The following CLEC2L variants were observed in gnomAD, a reference collection of about 807,000 sequenced individuals.
CLEC2L encodes C-type lectin domain family 2 member L.
CLEC2L carries 14 observed loss-of-function variants against 23.6 expected under a neutral mutation model. The observed-to-expected ratio is 0.59, with a 90% CI of 0.39 to 0.93. The LOEUF (loss-of-function observed/expected upper bound fraction) is 0.93. Among genes scored for constraint, CLEC2L ranks in the 40% least tolerant of loss-of-function variants. The probability of loss-of-function intolerance (pLI) is 0.00; values close to 1 mark genes in which losing one functional copy is unlikely to be tolerated. For missense variants in CLEC2L, 264 were observed against 282.4 expected, an observed-to-expected ratio of 0.93 and a Z score of 0.47; for synonymous variants, 114 against 121.3, an observed-to-expected ratio of 0.94 and a Z score of 0.40.
chr7:139,527,959 T>C (rs1251158609), intron 1 of CLEC2L, among the ~76,000 whole-genome samples: 2 of 152,152 alleles, frequency 1.3e-5, no homozygotes, highest in Admixed American at 1.3e-4. Context: ...TTTTGGGATA[T>C]GAGTGTGAGG....
chr7:139,540,125 C>T lies in CLEC2L; in HGVS notation c.266-196C>T. ...TGTCACTTCCCGTCGTGATGATGCC[C>T]CTGCCAGGCTTCCCACAGTCCCCTT... is the stretch of plus-strand genomic sequence containing the variant. On this transcript the variant is annotated intron_variant, in intron 2 of 4. Coordinates refer to ENST00000422142, the MANE Select transcript of CLEC2L (RefSeq NM_001080511.4). This position sits in a 1 kb window ranked among gnomAD's most constrained non-coding sequence, Gnocchi z 5.8. The T allele has an allele frequency of 1.7e-6, 1 of 580,004 alleles. No individual in the cohort carries two copies. Among genetic ancestry groups the T allele is most frequent in the Non-Finnish European group, 3.0e-6 (1 of 329,220 alleles). The allele number at this position is 580,004 out of a possible 1,614,324, so 35.9% of individuals were successfully genotyped here. A position where few individuals can be genotyped will look rare whatever the true frequency, so the allele number is the denominator to read the frequency against.
At position 139,544,288 on chromosome 7, in the gene CLEC2L, G is replaced by A; in HGVS notation, c.591G>A (p.Ser197=). 8 of 1,613,540 alleles carry A rather than the reference G, an allele frequency of 5.0e-6. No homozygotes were observed. Among genetic ancestry groups the A allele is most frequent in the Non-Finnish European group, 6.8e-6 (8 of 1,179,700 alleles). Residue 197 remains serine, a synonymous_variant, in exon 5 of 5, where the codon TCG becomes TCA. Transcript: ENST00000422142. The part of the protein sequence containing the change: ...CVFVEPTRLV[S]TECLMTRPWV... ...TCGTGGAGCCCACCAGGCTGGTGTC[G>A]ACGGAGTGTCTGATGACCCGGCCCT...
In CLEC2L at chr7:139,540,230, C is replaced by G; in HGVS notation, c.266-91C>G. On this transcript the variant is annotated intron_variant, in intron 2 of 4. Coordinates refer to ENST00000422142, the MANE Select transcript of CLEC2L (RefSeq NM_001080511.4). The surrounding 1 kb of genome is among the most constrained non-coding windows in gnomAD (Gnocchi z 5.8). ...ACATCTGCAGTGTCCCTGCAGGACG[C>G]CAAAGCTGAGGCAGGGGAGGGAGCC... 1.5e-6 allele frequency: 2 copies of G among 1,367,886 alleles called. No individual in the cohort carries two copies. The highest frequency in any genetic ancestry group is 2.7e-5 in the South Asian group (2 of 74,956). 84.7% of individuals were successfully genotyped at this position (1,367,886 alleles called of 1,614,324 possible).
chr7:139,544,586 T>C lies in CLEC2L; in HGVS notation c.*244T>C. On this transcript the variant is annotated 3_prime_UTR_variant, in exon 5 of 5. Coordinates refer to ENST00000422142, the MANE Select transcript of CLEC2L (RefSeq NM_001080511.4). ...CCATATGCTAGGTAGTGTAGGCATC[T>C]GCCCACCTACACACACACACATGCA... The C allele has an allele frequency of 1.8e-6, 1 of 547,354 alleles. No homozygotes were observed. Among genetic ancestry groups the C allele is most frequent in the Non-Finnish European group, 3.3e-6 (1 of 303,530 alleles). The allele number at this position is 547,354 out of a possible 1,614,324, so 33.9% of individuals were successfully genotyped here.
intron 3 of CLEC2L, among the ~76,000 whole-genome samples, chr7:139,541,313 G>T (rs536618842): frequency 6.6e-6 from 1 of 150,468 alleles, no homozygotes; most frequent in East Asian, 1.9e-4. Context: ...CCAGCCACAA[G>T]ACTTGTCTCT....
chr7:139,530,190 A>AAAACC (rs555258385), intron 1 of CLEC2L, among the ~76,000 whole-genome samples: 9 of 152,148 alleles, frequency 5.9e-5, no homozygotes, highest in East Asian at 5.8e-4. Flanking sequence ...TGTCAAAAAA[A>AAAACC]AAACCAAACC....
At chr7:139,536,476 A>G in intron 2 of CLEC2L, 128 bp downstream of exon 2, 1 of 759,016 alleles carries the variant, frequency 1.3e-6, no homozygotes. Flanking sequence ...AGTAGAAAAT[A>G]CATAGTGTCA....
At chr7:139,536,430 TC>T (rs1797658349) in intron 2 of CLEC2L, 82 bp downstream of exon 2, 5 of 1,229,356 alleles carry the variant, frequency 4.1e-6, no homozygotes, top group South Asian at 4.0e-5. Context: ...AAAGAAAGAT[TC>T]TAGACATTCC....
At position 139,542,066 on chromosome 7, in the gene CLEC2L, C is replaced by G; in HGVS notation, c.478C>G (p.Arg160Gly). 1 of 1,613,184 alleles carries G rather than the reference C, an allele frequency of 6.2e-7. No individual in the cohort carries two copies. The highest frequency in any genetic ancestry group is 1.1e-5 in the South Asian group (1 of 90,760). Residue 160 changes from arginine to glycine, a missense_variant, in exon 4 of 5, where the codon CGC becomes GGC. Physicochemically the swap from Arg to Gly is moderately radical, Grantham distance 125. Transcript: ENST00000422142. Reference protein sequence around the residue: ...FTRREPWIGLRRVGDEFHWVN... With the variant: ...FTRREPWIGLGRVGDEFHWVN... ...GCGGAGGGAGCCCTGGATTGGACTACGCAGAGTTGGGGACGAATTCCACTG... is the reference window on the plus strand; with the variant it reads ...GCGGAGGGAGCCCTGGATTGGACTAGGCAGAGTTGGGGACGAATTCCACTG...
chr7:139,528,265 A>G (rs559550435), intron 1 of CLEC2L, among the ~76,000 whole-genome samples: 62 of 152,226 alleles, frequency 4.1e-4, no homozygotes, highest in Middle Eastern at 3.2e-3. Context: ...AGACTGGAGT[A>G]GAGTGGGCCC....
chr7:139,534,160 G>A (rs746220130), intron 1 of CLEC2L: 6 of 688,464 alleles, frequency 8.7e-6, no homozygotes, highest in Non-Finnish European at 1.3e-5. Context: ...TGCAACCAAT[G>A]ATGGAGTTAG....
intron 2 of CLEC2L, 59 bp downstream of exon 2, chr7:139,536,407 C>G: frequency 7.1e-7 from 1 of 1,405,552 alleles, no homozygotes; most frequent in African/African-American, 1.4e-5. Context: ...GTTAAAAGCA[C>G]GTCTAATTAG....
chr7:139,524,008 C>T lies in CLEC2L; in HGVS notation c.81C>T (p.Ala27=), dbSNP rs1184948707. The T allele has an allele frequency of 9.0e-7, 1 of 1,113,928 alleles. No homozygotes were observed. 69.0% of individuals were successfully genotyped at this position (1,113,928 alleles called of 1,614,324 possible). A position where few individuals can be genotyped will look rare whatever the true frequency, so the allele number is the denominator to read the frequency against. Residue 27 remains alanine (A), a synonymous_variant, in exon 1 of 5, where the codon GCC becomes GCT. Coordinates refer to ENST00000422142, the MANE Select transcript of CLEC2L (RefSeq NM_001080511.4). ...CGCGCCCCGCGCCCGCCCCCGCCGC[C>T]CCCAGGCCGCGTTCGCCCGCAGAGG... ...LAARPAPAPA[A]PRPRSPAEAE... is the part of the protein sequence containing the mutation.
At chr7:139,530,813 C>CAAAA (rs34317849) in intron 1 of CLEC2L, among the ~76,000 whole-genome samples, 8 of 80,656 alleles carry the variant, frequency 9.9e-5, no homozygotes, top group African/African-American at 3.4e-4. Flanking sequence ...ACTCTTGTCT[C>CAAAA]AAAAAAAAAA....
Position 139,523,962 on chromosome 7 carries a change from GGCC to G in CLEC2L, c.45_47del (p.Pro16del). The G allele has an allele frequency of 3.1e-6, 3 of 969,630 alleles. No homozygotes were observed. The highest frequency in any genetic ancestry group is 1.2e-6 in the Non-Finnish European group (1 of 818,480). The allele number at this position is 969,630 out of a possible 1,614,324, so 60.1% of individuals were successfully genotyped here. ...GCCCGGGAGCCCCCCTCGCGGGCCCGGCCGCCGCCGCCCCTCGCCGCGCGCCCC... is the reference window on the plus strand; with the variant it reads ...GCCCGGGAGCCCCCCTCGCGGGCCCGGCCGCCGCCCCTCGCCGCGCGCCCC... On this transcript the variant is annotated inframe_deletion, in exon 1 of 5. Coordinates refer to ENST00000422142, the MANE Select transcript of CLEC2L (RefSeq NM_001080511.4). The surrounding 1 kb of genome is among the most constrained non-coding windows in gnomAD (Gnocchi z 4.1).
At chr7:139,541,756 C>A (rs968778445) in intron 3 of CLEC2L, among the ~76,000 whole-genome samples, 3 of 152,234 alleles carry the variant, frequency 2.0e-5, no homozygotes, top group Admixed American at 6.5e-5. Flanking sequence ...CAGTGGCATG[C>A]ACACACAGCC....
In CLEC2L at chr7:139,542,006, T is replaced by C. The variant is rs1166354505; in HGVS notation, c.433-15T>C. On this transcript the variant is annotated splice_polypyrimidine_tract_variant and intron_variant, in intron 3 of 4. Coordinates refer to ENST00000422142, the MANE Select transcript of CLEC2L (RefSeq NM_001080511.4). ...CCGCATCTGACCCTGAGGTGTCCCT[T>C]TTTCCTCGGTGCAGGAATTTATGTT... The C allele has an allele frequency of 6.3e-7, 1 of 1,595,436 alleles. No homozygotes were observed. The highest frequency in any genetic ancestry group is 2.2e-5 in the East Asian group (1 of 44,504).
chr7:139,535,706 G>A (rs1797643711), intron 1 of CLEC2L, among the ~76,000 whole-genome samples: 2 of 152,126 alleles, frequency 1.3e-5, no homozygotes, highest in African/African-American at 4.8e-5. Flanking sequence ...AGAGGTGGGT[G>A]AATTTTAGGA....
chr7:139,533,332 T>C (rs1339441139), intron 1 of CLEC2L, among the ~76,000 whole-genome samples: 1 of 152,132 alleles, frequency 6.6e-6, no homozygotes, highest in Non-Finnish European at 1.5e-5. Flanking sequence ...GTGGTTGGCT[T>C]TGGGGAAGGA....
Sources: gnomAD v4.1 joint callset for allele counts (sites outside exome capture counted in the v4.1 genomes callset) on GRCh38, gnomAD v4.1.1 for gene constraint, Gnocchi (gnomAD v3.1) non-coding constraint, MANE v1.5 for transcripts, NCBI Gene and HGNC (gene_info 2026-07-23, HGNC 2026-07-21) for gene names.